The following VSX2 variants were observed in gnomAD, a reference collection of about 807,000 sequenced individuals.
The protein encoded by VSX2 is ceh-10 homeo domain containing homolog.
A neutral mutation model predicts 32.1 loss-of-function variants in VSX2; 28 were observed. That is an observed-to-expected ratio of 0.87 (90% CI 0.65 to 1.20). The LOEUF (loss-of-function observed/expected upper bound fraction) is 1.20. Ranked by LOEUF, VSX2 falls within the 50% of genes most tolerant of loss-of-function variation. VSX2 has a pLI of 0.00. For missense variants in VSX2, 506 were observed against 488.7 expected (o/e 1.04, Z -0.33); for synonymous variants, 243 against 214.1 (o/e 1.14, Z -1.18).
Position 74,241,009 on chromosome 14 carries a change from G to C in VSX2, c.371-173G>C, listed in dbSNP as rs118066048. Among the ~76,000 whole-genome samples, 304 of 152,284 alleles carry C rather than the reference G, an allele frequency of 2.0e-3. 11 individuals are homozygous for C. The East Asian group carries it at 0.054, about 27-fold the overall frequency. ...CGGATTCGGGCCCCGGCGCGGGAGA[G>C]GTCAGCCTGAGCTCAGGGATGGGAC... On this transcript the variant is annotated intron_variant, in intron 1 of 4. Coordinates refer to ENST00000261980, the MANE Select transcript of VSX2 (RefSeq NM_182894.3).
intron 2 of VSX2, among the ~76,000 whole-genome samples, chr14:74,243,218 A>G (rs146979524): frequency 1.4e-3 from 212 of 152,250 alleles, no homozygotes; most frequent in African/African-American, 4.8e-3. Context: ...ACCAGACTTA[A>G]AAGCGTTTGG....
At chr14:74,249,558 C>T (rs1447442077) in intron 3 of VSX2, among the ~76,000 whole-genome samples, 1 of 152,182 alleles carries the variant, frequency 6.6e-6, no homozygotes, top group Non-Finnish European at 1.5e-5. Flanking sequence ...GTGTAAACCA[C>T]CATGCCCGGC....
In VSX2 at chr14:74,261,056, C is replaced by T; in HGVS notation, c.*137C>T. 2 of 1,055,004 alleles carry T rather than the reference C, an allele frequency of 1.9e-6. No homozygotes were observed. Among genetic ancestry groups the T allele is most frequent in the Non-Finnish European group, 2.8e-6 (2 of 727,118 alleles). 65.4% of individuals were successfully genotyped at this position (1,055,004 alleles called of 1,614,324 possible). Reference sequence around the variant, plus strand: ...TGTTCCCCACAGGTCCTCCATCACCCCTGGTGGCTGCAGGCACCGCTGGGT... The same window carrying T: ...TGTTCCCCACAGGTCCTCCATCACCTCTGGTGGCTGCAGGCACCGCTGGGT... On this transcript the variant is annotated 3_prime_UTR_variant, in exon 5 of 5. Coordinates refer to ENST00000261980, the MANE Select transcript of VSX2 (RefSeq NM_182894.3).
chr14:74,242,676 T>C (rs992542836), intron 2 of VSX2, among the ~76,000 whole-genome samples: 5 of 152,022 alleles, frequency 3.3e-5, no homozygotes, highest in Admixed American at 6.6e-5. Context: ...ACACTTTTTA[T>C]GCACCCATCT....
At chr14:74,258,030 CGGGGCGGGGGCCGCGA>C (rs1053513156) in intron 3 of VSX2, among the ~76,000 whole-genome samples, 1 of 151,952 alleles carries the variant, frequency 6.6e-6, no homozygotes. Context: ...CCGCGCCGCG[CGGGGCGGGGGCCGCGA>C]GGGGCTGCCG....
chr14:74,241,285 G>C lies in VSX2; in HGVS notation c.455+19G>C, dbSNP rs747387520. The C allele has an allele frequency of 4.3e-6, 7 of 1,610,594 alleles. No homozygotes were observed. The South Asian group carries it at 7.7e-5, about 18-fold the overall frequency. The stretch of plus-strand genomic sequence containing the variant: ...GACACAGGTGAGGCCCCCGCTTTCT[G>C]TTACCTCTCCTGCCCGCGCACCCCG... On this transcript the variant is annotated intron_variant, in intron 2 of 4. Transcript: ENST00000261980.
chr14:74,259,770 C>A lies in VSX2; in HGVS notation c.748C>A (p.Pro250Thr). 6.2e-7 allele frequency: 1 copy of A among 1,612,392 alleles called. No homozygotes were observed. The highest frequency in any genetic ancestry group is 1.1e-5 in the South Asian group (1 of 90,890). Reference sequence around the variant, plus strand: ...GGATGGCATCATGGACTCCTGTGCCCCGTGGCTACTGGGTAAGAGCCCGCA... The same window carrying A: ...GGATGGCATCATGGACTCCTGTGCCACGTGGCTACTGGGTAAGAGCCCGCA... The part of the protein sequence containing the change: ...AKDGIMDSCA[P>T]WLLGMHKKSL... Residue 250 changes from proline (P) to threonine (T), a missense_variant, in exon 4 of 5, where the codon CCG becomes ACG. By Grantham distance (38) the Pro-to-Thr change is conservative. Transcript: ENST00000261980.
chr14:74,240,100 G>A (rs1298275506), intron 1 of VSX2, among the ~76,000 whole-genome samples, 169 bp downstream of exon 1: 3 of 152,224 alleles, frequency 2.0e-5, no homozygotes, highest in African/African-American at 7.2e-5. Context: ...GGCCCGGGAG[G>A]ATGCTTCGGC....
In VSX2 at chr14:74,245,293, C is replaced by T. The variant is rs1169005282; in HGVS notation, c.579+5C>T. 4 of 1,613,468 alleles carry T rather than the reference C, an allele frequency of 2.5e-6. No individual in the cohort carries two copies. Among genetic ancestry groups the T allele is most frequent in the Non-Finnish European group, 1.7e-6 (2 of 1,179,792 alleles). ...CTGCCGGAAGACAGGATACAGGTAA[C>T]AGCCCTGAGCCCCTCTCCCCTCCAC... is the stretch of plus-strand genomic sequence containing the variant. On this transcript the variant is annotated splice_donor_5th_base_variant and intron_variant, in intron 3 of 4. Transcript: ENST00000261980.
At chr14:74,245,331 C>A in intron 3 of VSX2, 43 bp downstream of exon 3, 2 of 1,611,374 alleles carry the variant, frequency 1.2e-6, no homozygotes, top group Non-Finnish European at 8.5e-7. Flanking sequence ...TCCCCTCTCT[C>A]GGTGACATCT....
chr14:74,244,854 T>G (rs2079173386), intron 2 of VSX2, among the ~76,000 whole-genome samples: 1 of 115,926 alleles, frequency 8.6e-6, no homozygotes, highest in South Asian at 2.8e-4. Context: ...TCCGGAGGGT[T>G]AAACTATGAG....
At chr14:74,258,360 C>A (rs1391657433) in intron 3 of VSX2, among the ~76,000 whole-genome samples, 6 of 152,094 alleles carry the variant, frequency 3.9e-5, no homozygotes, top group Non-Finnish European at 7.4e-5. Context: ...AGAGCTGGAG[C>A]AATTTTTCAT....
chr14:74,241,385 T>A, intron 2 of VSX2, 119 bp downstream of exon 2: 3 of 1,129,354 alleles, frequency 2.7e-6, no homozygotes, highest in Non-Finnish European at 3.9e-6. Flanking sequence ...TCCGAGGCCG[T>A]GCCAGGGCGC....
chr14:74,240,834 G>A (rs1412193636), intron 1 of VSX2, among the ~76,000 whole-genome samples: 1 of 152,128 alleles, frequency 6.6e-6, no homozygotes, highest in East Asian at 1.9e-4. Context: ...CCGGGGCATT[G>A]GGGCTGGCCG....
intron 3 of VSX2, among the ~76,000 whole-genome samples, chr14:74,251,392 G>T (rs1049406178): frequency 6.6e-6 from 1 of 152,224 alleles, no homozygotes; most frequent in Non-Finnish European, 1.5e-5. Flanking sequence ...GGAGGTTGCA[G>T]TGAGCCGAGA....
chr14:74,251,112 C>G (rs1317601186), intron 3 of VSX2, among the ~76,000 whole-genome samples: 3 of 151,826 alleles, frequency 2.0e-5, no homozygotes, highest in Non-Finnish European at 4.4e-5. Context: ...GTCAGGAGTT[C>G]GAGACCAGCC....
chr14:74,240,990 C>G (rs1251136485), intron 1 of VSX2, among the ~76,000 whole-genome samples, 192 bp from the exon 2 acceptor site: 1 of 152,178 alleles, frequency 6.6e-6, no homozygotes, highest in Non-Finnish European at 1.5e-5. Context: ...CCTCCGGATT[C>G]GGGCCCCGGC....
chr14:74,243,528 T>G (rs1202471943), intron 2 of VSX2, among the ~76,000 whole-genome samples: 2 of 152,072 alleles, frequency 1.3e-5, no homozygotes, highest in Non-Finnish European at 2.9e-5. Flanking sequence ...GGCTCTCCTC[T>G]TTGACTGCCT....
intron 2 of VSX2, among the ~76,000 whole-genome samples, chr14:74,242,316 C>T (rs550182011): frequency 7.4e-4 from 112 of 152,288 alleles, no homozygotes; most frequent in African/African-American, 2.6e-3. Context: ...CTGGCACCCC[C>T]GCCGCCACAT....
Sources: allele counts gnomAD v4.1 joint callset (sites outside exome capture counted in the v4.1 genomes callset), GRCh38; gene constraint gnomAD v4.1.1; transcripts MANE v1.5; gene names NCBI Gene and HGNC (gene_info 2026-07-23, HGNC 2026-07-21).